The following UACA variants were observed in gnomAD, a reference collection of about 807,000 sequenced individuals.
UACA encodes nuclear membrane binding protein.
Under a neutral mutation model 160.5 loss-of-function variants are expected in UACA, and 112 were observed. The observed-to-expected ratio is 0.70, with a 90% CI of 0.60 to 0.82. The LOEUF (loss-of-function observed/expected upper bound fraction) is 0.82, where lower values mean the gene tolerates loss of function less well. Among genes scored for constraint, UACA ranks in the 40% least tolerant of loss-of-function variants. The pLI, the probability that UACA is intolerant of heterozygous loss-of-function variation, is 0.00. For synonymous variants in UACA, 557 were observed against 568.4 expected (o/e 0.98, Z 0.29); for missense variants, 1,574 against 1,614.6 (o/e 0.97, Z 0.43).
At position 70,657,131 on chromosome 15, in the gene UACA, C is replaced by T. The variant is rs372315286; in HGVS notation, c.4180-4G>A. The T allele has an allele frequency of 1.4e-4, 229 of 1,613,188 alleles. No homozygotes were observed. Among genetic ancestry groups the T allele is most frequent in the Non-Finnish European group, 1.7e-4 (199 of 1,179,238 alleles). ...GAACATCTTCATCCATGTGACCCTTCGGAGAAAGAAGAAAGAGGAGCATTA... is the reference window on the plus strand; with the variant it reads ...GAACATCTTCATCCATGTGACCCTTTGGAGAAAGAAGAAAGAGGAGCATTA... On this transcript the variant is annotated splice_region_variant and splice_polypyrimidine_tract_variant and intron_variant, in intron 18 of 18. Transcript: ENST00000322954.
At chr15:70,705,774 A>T (rs1898507663) in intron 1 of UACA, among the ~76,000 whole-genome samples, 1 of 152,166 alleles carries the variant, frequency 6.6e-6, no homozygotes, top group Non-Finnish European at 1.5e-5. Context: ...CCTATCAAGC[A>T]ATCATAAGTC....
Position 70,699,525 on chromosome 15 carries a change from A to G in UACA, c.212+2T>C. On this transcript the variant is annotated splice_donor_variant, in intron 2 of 18. Coordinates refer to ENST00000322954, the MANE Select transcript of UACA (RefSeq NM_018003.4). LOFTEE classifies it high-confidence loss of function. ...CATGCTTTTATCATCAATAATACTT[A>G]CACAGATCTGCCTTCCACATCTAGT... 1 of 1,611,568 alleles carries G rather than the reference A, an allele frequency of 6.2e-7. No individual in the cohort carries two copies. Among genetic ancestry groups the G allele is most frequent in the East Asian group, 2.2e-5 (1 of 44,820 alleles).
intron 14 of UACA, 92 bp downstream of exon 14, chr15:70,671,873 G>T: frequency 9.1e-7 from 1 of 1,095,334 alleles, no homozygotes; most frequent in South Asian, 1.9e-5. Flanking sequence ...ATCTTGTACA[G>T]TTATTCCTGT....
intron 1 of UACA, among the ~76,000 whole-genome samples, chr15:70,756,433 T>G (rs2030435885): frequency 6.6e-6 from 1 of 151,224 alleles, no homozygotes; most frequent in African/African-American, 2.4e-5. Flanking sequence ...AGTGCTGAGA[T>G]TACAGGCATG....
chr15:70,669,588 A>C, intron 15 of UACA, 126 bp from the exon 16 acceptor site: 1 of 693,452 alleles, frequency 1.4e-6, no homozygotes, highest in South Asian at 2.4e-5. Flanking sequence ...ATTAGGCAGT[A>C]AGATGGAAAA....
At chr15:70,768,981 G>T in the UACA span, among the ~76,000 whole-genome samples, 2 of 152,056 alleles carry the variant, frequency 1.3e-5, no homozygotes, top group Non-Finnish European at 2.9e-5. Flanking sequence ...TTACATGGCT[G>T]GTTCAATACC....
chr15:70,720,661 T>C (rs956888455), intron 1 of UACA, among the ~76,000 whole-genome samples: 1 of 152,206 alleles, frequency 6.6e-6, no homozygotes, highest in Non-Finnish European at 1.5e-5. Context: ...AGGAAATTCT[T>C]AGAGTATTTT....
chr15:70,705,468 G>A (rs575804405), intron 1 of UACA, among the ~76,000 whole-genome samples: 28 of 152,114 alleles, frequency 1.8e-4, no homozygotes, highest in Non-Finnish European at 3.5e-4. Flanking sequence ...CCCGGCAGGC[G>A]GAGGTTGCAG....
intron 1 of UACA, among the ~76,000 whole-genome samples, chr15:70,720,911 C>G (rs914987127): frequency 2.0e-5 from 3 of 152,146 alleles, no homozygotes; most frequent in African/African-American, 7.2e-5. Context: ...ACAGCCAGCC[C>G]TGAATTCTGC....
intron 1 of UACA, 91 bp from the exon 2 acceptor site, chr15:70,699,751 C>A: frequency 7.3e-7 from 1 of 1,361,634 alleles, no homozygotes; most frequent in Non-Finnish European, 1.0e-6. Flanking sequence ...GAAAGCAGTA[C>A]TGCATAATAC....
chr15:70,739,165 A>G (rs1008892980), intron 1 of UACA, among the ~76,000 whole-genome samples: 3 of 152,250 alleles, frequency 2.0e-5, no homozygotes, highest in Non-Finnish European at 4.4e-5. Context: ...ATTTTAAAAC[A>G]GTGGTTCATC....
chr15:70,724,937 T>A (rs540131315), intron 1 of UACA, among the ~76,000 whole-genome samples: 40 of 150,200 alleles, frequency 2.7e-4, no homozygotes, highest in Middle Eastern at 3.4e-3. Context: ...AAAAAAAAAA[T>A]TTAACTAGCC....
At chr15:70,741,468 A>G (rs1899533319) in intron 1 of UACA, among the ~76,000 whole-genome samples, 1 of 152,196 alleles carries the variant, frequency 6.6e-6, no homozygotes, top group Non-Finnish European at 1.5e-5. Context: ...CAAGCATACA[A>G]CTGGGATACT....
intron 1 of UACA, among the ~76,000 whole-genome samples, chr15:70,751,758 G>A (rs1312109247): frequency 6.6e-6 from 1 of 152,110 alleles, no homozygotes; most frequent in Non-Finnish European, 1.5e-5. Context: ...GCTATGAATG[G>A]ACATTCTCTG....
chr15:70,753,528 C>A (rs544642368), intron 1 of UACA, among the ~76,000 whole-genome samples: 6 of 152,174 alleles, frequency 3.9e-5, no homozygotes, highest in Non-Finnish European at 8.8e-5. Context: ...CAAAGCCAGG[C>A]TACCTAACTC....
chr15:70,697,100 G>A (rs1898157151), intron 2 of UACA, among the ~76,000 whole-genome samples: 1 of 152,118 alleles, frequency 6.6e-6, no homozygotes, highest in Admixed American at 6.6e-5. Context: ...ACAAGACATG[G>A]ACTTCTATAA....
At chr15:70,761,485 AG>A (rs2030750927) in intron 1 of UACA, among the ~76,000 whole-genome samples, 1 of 152,144 alleles carries the variant, frequency 6.6e-6, no homozygotes, top group African/African-American at 2.4e-5. Flanking sequence ...TAGATTGAAA[AG>A]CAGAAAGGGT....
intron 12 of UACA, 59 bp downstream of exon 12, chr15:70,677,049 C>T (rs915639447): frequency 2.2e-6 from 3 of 1,336,652 alleles, no homozygotes; most frequent in Non-Finnish European, 3.2e-6. Flanking sequence ...ACCTTTACTA[C>T]TATATCATCT....
intron 3 of UACA, among the ~76,000 whole-genome samples, chr15:70,694,387 G>A (rs1041394377): frequency 1.6e-4 from 24 of 151,784 alleles, no homozygotes; most frequent in African/African-American, 4.6e-4. Flanking sequence ...AATATATTTC[G>A]ATTCTCTATA....
Sources: gnomAD v4.1 joint callset for allele counts (sites outside exome capture counted in the v4.1 genomes callset) on GRCh38, gnomAD v4.1.1 for gene constraint, MANE v1.5 for transcripts, NCBI Gene and HGNC (gene_info 2026-07-23, HGNC 2026-07-21) for gene names.